Variants in LRP1B observed in about 807,000 individuals in gnomAD.
LRP1B encodes low-density lipoprotein receptor-related protein 1B.
A neutral mutation model predicts 556.6 loss-of-function variants in LRP1B; 217 were observed. That is an observed-to-expected ratio of 0.39 (90% CI 0.35 to 0.44). The LOEUF is 0.44. LRP1B is among the 20% of genes least tolerant of loss of function. The pLI is 1.00. For missense variants in LRP1B, 5,053 were observed against 5,620.8 expected (o/e 0.90, Z 3.23); for synonymous variants, 2,047 against 1,865.8 (o/e 1.10, Z -2.50).
chr2:141,033,247 G>C (rs565166337), intron 11 of LRP1B, among the ~76,000 whole-genome samples: 53 of 151,992 alleles, frequency 3.5e-4, no homozygotes, highest in African/African-American at 1.3e-3. Flanking sequence ...GAGCAAGGGA[G>C]GGGAGGAACA....
chr2:140,315,306 T>C (rs1472861287), intron 82 of LRP1B, among the ~76,000 whole-genome samples: 1 of 152,184 alleles, frequency 6.6e-6, no homozygotes, highest in Non-Finnish European at 1.5e-5. Flanking sequence ...TAAATTAATG[T>C]GTATTCTTCT....
intron 56 of LRP1B, among the ~76,000 whole-genome samples, chr2:140,493,818 A>G (rs1353159968): frequency 6.6e-6 from 1 of 152,108 alleles, no homozygotes; most frequent in Non-Finnish European, 1.5e-5. Context: ...ATTATGTTTC[A>G]GTATATACTA....
intron 89 of LRP1B, 91 bp from the exon 90 acceptor site, chr2:140,234,975 T>C: frequency 1.6e-6 from 1 of 627,730 alleles, no homozygotes; most frequent in Non-Finnish European, 2.9e-6. Context: ...AAAAATAACA[T>C]AAAAATACCC....
chr2:140,572,732 T>C (rs185686924), intron 43 of LRP1B, among the ~76,000 whole-genome samples: 1 of 151,204 alleles, frequency 6.6e-6, no homozygotes, highest in African/African-American at 2.4e-5. Context: ...AACCTAACTG[T>C]TCATCAGCAG....
At chr2:140,712,170 G>T (rs1014506460) in intron 37 of LRP1B, among the ~76,000 whole-genome samples, 1 of 152,100 alleles carries the variant, frequency 6.6e-6, no homozygotes, top group African/African-American at 2.4e-5. Context: ...TTTTGAGAGT[G>T]TCTGTTTTCC....
intron 32 of LRP1B, among the ~76,000 whole-genome samples, chr2:140,791,811 G>A (rs1344260187): frequency 1.7e-5 from 1 of 58,062 alleles, no homozygotes; most frequent in African/African-American, 4.9e-5. Flanking sequence ...CCATTGAAGG[G>A]AATCAGGATA....
chr2:140,928,167 T>C (rs1200811960), intron 20 of LRP1B, among the ~76,000 whole-genome samples: 1 of 152,062 alleles, frequency 6.6e-6, no homozygotes, highest in Admixed American at 6.6e-5. Context: ...CTCATAAAAC[T>C]TGAACATGAG....
intron 2 of LRP1B, among the ~76,000 whole-genome samples, chr2:141,591,882 G>A (rs1041716187): frequency 2.0e-5 from 3 of 152,016 alleles, no homozygotes; most frequent in African/African-American, 4.8e-5. Flanking sequence ...GTACTGACAG[G>A]GAAAAAAGAT....
intron 66 of LRP1B, among the ~76,000 whole-genome samples, chr2:140,426,767 C>A (rs1190800391): frequency 2.0e-5 from 3 of 152,184 alleles, no homozygotes; most frequent in African/African-American, 2.4e-5. Flanking sequence ...TCACACAAAG[C>A]CTGTTTGGTG....
intron 7 of LRP1B, among the ~76,000 whole-genome samples, chr2:141,106,216 T>A (rs1437705437): frequency 6.6e-6 from 1 of 152,166 alleles, no homozygotes; most frequent in African/African-American, 2.4e-5. Flanking sequence ...AAATTAAATA[T>A]TTATGTCATC....
chr2:140,352,875 G>A, intron 76 of LRP1B, 78 bp downstream of exon 76: 4 of 1,389,064 alleles, frequency 2.9e-6, no homozygotes, highest in Admixed American at 2.2e-5. Context: ...TTGCTGGAAT[G>A]AAATATAAAA....
chr2:140,627,713 C>T (rs75963888), intron 41 of LRP1B, among the ~76,000 whole-genome samples: 3,754 of 152,212 alleles, frequency 0.025, 157 homozygotes, highest in African/African-American at 0.084. Flanking sequence ...AACCTTAATA[C>T]ACCAATTTAA....
chr2:141,075,427 T>C (rs148019697), intron 7 of LRP1B, among the ~76,000 whole-genome samples: 2,463 of 152,316 alleles, frequency 0.016, 31 homozygotes, highest in Middle Eastern at 0.027. Context: ...TCTCAAGGTG[T>C]CATTCCATTT....
At chr2:141,312,051 C>T (rs1397197634) in intron 3 of LRP1B, among the ~76,000 whole-genome samples, 1 of 152,090 alleles carries the variant, frequency 6.6e-6, no homozygotes, top group Non-Finnish European at 1.5e-5. Context: ...AAATCTGAAT[C>T]TTCTTAGAGA....
intron 4 of LRP1B, among the ~76,000 whole-genome samples, chr2:141,247,874 C>T (rs1346493101): frequency 2.0e-5 from 3 of 151,984 alleles, no homozygotes; most frequent in East Asian, 1.9e-4. Context: ...ATCTGTAGTC[C>T]TCTACAGATA....
chr2:141,554,810 G>A (rs1365426019), intron 2 of LRP1B, among the ~76,000 whole-genome samples: 1 of 151,894 alleles, frequency 6.6e-6, no homozygotes, highest in Non-Finnish European at 1.5e-5. Flanking sequence ...AACAAATTGT[G>A]GTCCACAGAC....
intron 42 of LRP1B, among the ~76,000 whole-genome samples, chr2:140,599,239 CT>C (rs1250154700): frequency 1.3e-5 from 2 of 152,108 alleles, no homozygotes; most frequent in Non-Finnish European, 2.9e-5. Context: ...CCTAAGTATA[CT>C]TATTTGCTTC....
chr2:141,389,481 A>G (rs1689965480), intron 3 of LRP1B, among the ~76,000 whole-genome samples: 1 of 152,168 alleles, frequency 6.6e-6, no homozygotes, highest in Admixed American at 6.5e-5. Flanking sequence ...AAAGTGAACC[A>G]AAGAGTTAAA....
At chr2:140,734,532 A>T (rs971028513) in intron 35 of LRP1B, among the ~76,000 whole-genome samples, 1 of 152,212 alleles carries the variant, frequency 6.6e-6, no homozygotes, top group Non-Finnish European at 1.5e-5. Context: ...ATGATAAAAC[A>T]GTCACAGCTA....
Sources: allele counts gnomAD v4.1 joint callset (sites outside exome capture counted in the v4.1 genomes callset), GRCh38; gene constraint gnomAD v4.1.1; transcripts MANE v1.5; gene names NCBI Gene and HGNC (gene_info 2026-07-23, HGNC 2026-07-21).